The following FUT8 variants were observed in gnomAD, a reference collection of about 807,000 sequenced individuals.
The protein encoded by FUT8 is alpha-(1,6)-fucosyltransferase.
In FUT8, 29 loss-of-function variants were observed where a neutral mutation model predicts 71.3. The observed-to-expected ratio is 0.41, with a 90% CI of 0.30 to 0.55. The LOEUF is 0.55. Ranked by LOEUF, FUT8 falls within the 20% of genes least tolerant of loss-of-function variation. The probability of loss-of-function intolerance (pLI) is 0.34; values close to 1 mark genes in which losing one functional copy is unlikely to be tolerated. For missense variants in FUT8, 544 were observed against 702.1 expected (o/e 0.77, Z 2.55); for synonymous variants, 254 against 239.3 (o/e 1.06, Z -0.57).
intron 6 of FUT8, among the ~76,000 whole-genome samples, chr14:65,633,191 G>C (rs540505598): frequency 3.3e-5 from 5 of 151,906 alleles, no homozygotes; most frequent in Non-Finnish European, 5.9e-5. Flanking sequence ...ACTGGTTTTC[G>C]TATTTTTTTG....
chr14:65,527,208 C>T (rs542578371), intron 2 of FUT8, among the ~76,000 whole-genome samples: 194 of 152,300 alleles, frequency 1.3e-3, no homozygotes, highest in African/African-American at 3.8e-3. Context: ...GCCAATCAGA[C>T]GTAGATTTGG....
chr14:65,738,744 T>A (rs1437195843), intron 10 of FUT8, among the ~76,000 whole-genome samples: 1 of 152,088 alleles, frequency 6.6e-6, no homozygotes, highest in Non-Finnish European at 1.5e-5. Flanking sequence ...ACATTAACAC[T>A]ATAGTAATCT....
intron 5 of FUT8, among the ~76,000 whole-genome samples, chr14:65,624,314 C>A (rs1321043967): frequency 6.9e-6 from 1 of 145,586 alleles, no homozygotes; most frequent in Non-Finnish European, 1.5e-5. Flanking sequence ...GATGTTTGGT[C>A]TTCTAGTTGC....
the FUT8 span, among the ~76,000 whole-genome samples, chr14:65,359,871 G>T: frequency 6.6e-6 from 1 of 151,998 alleles, no homozygotes; most frequent in African/African-American, 2.4e-5. Context: ...TATCACCCAG[G>T]CTGGAGTGCA....
chr14:65,611,405 A>G (rs569981309), intron 3 of FUT8, among the ~76,000 whole-genome samples: 3 of 150,842 alleles, frequency 2.0e-5, no homozygotes, highest in African/African-American at 7.3e-5. Context: ...TTTTTTTTTT[A>G]AAGAACCAGA....
At chr14:65,398,701 G>C in the FUT8 span, among the ~76,000 whole-genome samples, 1 of 151,414 alleles carries the variant, frequency 6.6e-6, no homozygotes, top group African/African-American at 2.4e-5. Context: ...CTGCACTCCA[G>C]CCTGGGTGAC....
chr14:65,395,030 C>T, the FUT8 span, among the ~76,000 whole-genome samples: 1,135 of 152,364 alleles, frequency 7.4e-3, 17 homozygotes, highest in African/African-American at 0.025. Context: ...GCGTGAGCCA[C>T]CACGCCCAGC....
At chr14:65,468,546 A>G (rs112486132) in intron 2 of FUT8, among the ~76,000 whole-genome samples, 6 of 151,520 alleles carry the variant, frequency 4.0e-5, no homozygotes, top group Non-Finnish European at 7.4e-5. Flanking sequence ...TTCTTTCGAG[A>G]TATCTTATTG....
chr14:65,530,837 C>G (rs1883907087), intron 2 of FUT8, among the ~76,000 whole-genome samples: 1 of 150,856 alleles, frequency 6.6e-6, no homozygotes, highest in Admixed American at 6.6e-5. Context: ...CTCTCCCTCC[C>G]TCCCCCTCTC....
In FUT8 at chr14:65,581,397, G is replaced by A. The variant is rs190128056; in HGVS notation, c.203+19631G>A. On this transcript the variant is annotated intron_variant, in intron 3 of 10. Coordinates refer to ENST00000673929, the MANE Select transcript of FUT8 (RefSeq NM_001371533.1). ...AGTCTCAGGTACCTGGTATTTACCC[G>A]TGAAGTAAACATTTATTATATCTTG... Among the ~76,000 whole-genome samples the A allele has an allele frequency of 2.1e-4, 32 of 152,188 alleles. No homozygotes were observed. In the East Asian group the frequency reaches 3.1e-3, roughly 15 times the overall value.
At chr14:65,697,096 G>T (rs1241285582) in intron 7 of FUT8, among the ~76,000 whole-genome samples, 1 of 152,168 alleles carries the variant, frequency 6.6e-6, no homozygotes, top group Non-Finnish European at 1.5e-5. Context: ...CTTTTAGCAT[G>T]CCTTGTAATG....
intron 3 of FUT8, among the ~76,000 whole-genome samples, chr14:65,605,008 C>T (rs1888501671): frequency 6.6e-6 from 1 of 151,820 alleles, no homozygotes; most frequent in Admixed American, 6.6e-5. Context: ...ACTTTTTTCA[C>T]TCAACATTGT....
chr14:65,677,151 T>TGTGTGTGTGTGTGTGTGTGTGTGTGCGC, intron 7 of FUT8, among the ~76,000 whole-genome samples: 1 of 110,700 alleles, frequency 9.0e-6, no homozygotes, highest in Non-Finnish European at 1.8e-5. Flanking sequence ...TGTGTGTGTG[T>TGTGTGTGTGTGTGTGTGTGTGTGTGCGC]GCGCGCGCGC....
chr14:65,732,382 A>G (rs1896020499), intron 9 of FUT8, among the ~76,000 whole-genome samples: 1 of 152,228 alleles, frequency 6.6e-6, no homozygotes, highest in Non-Finnish European at 1.5e-5. Context: ...GCTGTGATGC[A>G]AAGAAAAATA....
At chr14:65,721,402 G>A (rs1003188862) in intron 7 of FUT8, among the ~76,000 whole-genome samples, 11 of 152,194 alleles carry the variant, frequency 7.2e-5, no homozygotes, top group Admixed American at 2.0e-4. Context: ...TAGAAGTTTC[G>A]AGAACACTTT....
chr14:65,523,031 G>A (rs984794083), intron 2 of FUT8, among the ~76,000 whole-genome samples: 2 of 151,998 alleles, frequency 1.3e-5, no homozygotes, highest in Admixed American at 6.6e-5. Flanking sequence ...CGCAATAAAC[G>A]TAACGTGTGC....
chr14:65,479,048 A>G (rs2066289760), intron 2 of FUT8, among the ~76,000 whole-genome samples: 1 of 152,224 alleles, frequency 6.6e-6, no homozygotes, highest in Non-Finnish European at 1.5e-5. Flanking sequence ...TGGTTAGACA[A>G]GATGATGTAT....
chr14:65,368,116 C>T, the FUT8 span, among the ~76,000 whole-genome samples: 4 of 133,688 alleles, frequency 3.0e-5, no homozygotes, highest in Non-Finnish European at 4.6e-5. Flanking sequence ...TGCAGTGGTG[C>T]GATCTCGGCT....
chr14:65,717,172 C>T (rs1464786076), intron 7 of FUT8, among the ~76,000 whole-genome samples: 1 of 139,736 alleles, frequency 7.2e-6, no homozygotes, highest in South Asian at 2.4e-4. Context: ...AGGCGCTTCT[C>T]ACCTCCCAGA....
Sources: allele counts gnomAD v4.1 joint callset (sites outside exome capture counted in the v4.1 genomes callset), GRCh38; gene constraint gnomAD v4.1.1; transcripts MANE v1.5; gene names NCBI Gene and HGNC (gene_info 2026-07-23, HGNC 2026-07-21).